Variants in AKNAD1 observed in about 807,000 individuals in gnomAD.
AKNAD1 encodes the protein AKNA domain containing 1.
AKNAD1 carries 67 observed loss-of-function variants against 90.8 expected under a neutral mutation model. That is an observed-to-expected ratio of 0.74 (90% confidence interval 0.61 to 0.90). AKNAD1 has a LOEUF of 0.90. AKNAD1 is among the 40% of genes least tolerant of loss of function. The probability of loss-of-function intolerance (pLI) is 0.00; values close to 1 mark genes in which losing one functional copy is unlikely to be tolerated. For missense variants in AKNAD1, 957 were observed against 975.4 expected (o/e 0.98, Z 0.25); for synonymous variants, 327 against 341.4 (o/e 0.96, Z 0.46).
chr1:108,817,008 C>G (rs1383836326), intron 15 of AKNAD1, 40 bp downstream of exon 15: 2 of 1,608,220 alleles, frequency 1.2e-6, no homozygotes, highest in South Asian at 1.1e-5. Flanking sequence ...ATCAAACTTA[C>G]GAGCTGCAAT....
intron 11 of AKNAD1, 135 bp downstream of exon 11, chr1:108,827,070 T>G: frequency 1.5e-6 from 1 of 685,696 alleles, no homozygotes. Context: ...TGCAAATAAA[T>G]AAATACAACA....
intron 10 of AKNAD1, among the ~76,000 whole-genome samples, chr1:108,828,053 G>T (rs61799960): frequency 0.059 from 8,986 of 151,074 alleles, 467 homozygotes; most frequent in Admixed American, 0.083. Context: ...GGAGTTCAAG[G>T]TCAGCCAGGG....
At chr1:108,849,371 C>T (rs895843709) in intron 3 of AKNAD1, among the ~76,000 whole-genome samples, 166 bp downstream of exon 3, 2 of 151,800 alleles carry the variant, frequency 1.3e-5, no homozygotes, top group African/African-American at 2.4e-5. Flanking sequence ...CCCAGCTACT[C>T]GGGAGGATGA....
At position 108,834,516 on chromosome 1, in the gene AKNAD1, A is replaced by G. The variant is rs749452393; in HGVS notation, c.1677T>C (p.Gly559=). 6.3e-7 allele frequency: 1 copy of G among 1,590,372 alleles called. No individual in the cohort carries two copies. The highest frequency in any genetic ancestry group is 8.5e-7 in the Non-Finnish European group (1 of 1,172,364). ...CELAPQTYLN[G]HYGDAAAQNK... ...TCTGGGCAGCTGCATCTCCATAATG[A>G]CCGTTTAGGTAACTAATTTAAAAAA... The change falls in exon 9 of 16, where the codon GGT becomes GGC. Residue 559 remains glycine, a synonymous_variant. Transcript: ENST00000370001.
chr1:108,837,593 G>A lies in AKNAD1; in HGVS notation c.1493C>T (p.Thr498Ile), dbSNP rs1279233275. 1.9e-6 allele frequency: 3 copies of A among 1,614,082 alleles called. No individual in the cohort carries two copies. The highest frequency in any genetic ancestry group is 1.7e-5 in the Admixed American group (1 of 60,010). Reference sequence around the variant, plus strand: ...GAAGGTGGAGGCCAAGTCATCCAGGGTAACTGGAGAACTCACAGGAAGGGA... The same window carrying A: ...GAAGGTGGAGGCCAAGTCATCCAGGATAACTGGAGAACTCACAGGAAGGGA... ...APSLPVSSPVTLDDLASTFSS... is the reference protein window; with the variant it reads ...APSLPVSSPVILDDLASTFSS... The change falls in exon 7 of 16, where the codon ACC becomes ATC. Residue 498 changes from threonine to isoleucine, a missense_variant. Coordinates refer to ENST00000370001, the MANE Select transcript of AKNAD1 (RefSeq NM_152763.5).
intron 11 of AKNAD1, among the ~76,000 whole-genome samples, chr1:108,824,342 G>A (rs1359152359): frequency 6.6e-6 from 1 of 152,196 alleles, no homozygotes; most frequent in African/African-American, 2.4e-5. Context: ...ACATCTCGCT[G>A]CAGGACAGAT....
chr1:108,834,363 C>T, intron 9 of AKNAD1, 84 bp downstream of exon 9: 1 of 1,178,796 alleles, frequency 8.5e-7, no homozygotes, highest in Non-Finnish European at 1.2e-6. Flanking sequence ...ATGCCAATTT[C>T]ACAGTCACAT....
intron 9 of AKNAD1, among the ~76,000 whole-genome samples, chr1:108,833,542 C>A (rs1449029502): frequency 6.6e-6 from 1 of 151,744 alleles, no homozygotes; most frequent in African/African-American, 2.4e-5. Flanking sequence ...GGGATCGCAC[C>A]ATTGCACTCC....
At chr1:108,816,933 C>T in intron 15 of AKNAD1, 115 bp downstream of exon 15, 1 of 1,285,018 alleles carries the variant, frequency 7.8e-7, no homozygotes, top group Non-Finnish European at 1.1e-6. Context: ...TTGTCTTTAG[C>T]AGAGCATTTT....
rs1329027940 is a variant in AKNAD1, at chr1:108,852,127, T to C, written c.538A>G (p.Asn180Asp). 4 of 1,614,050 alleles carry C rather than the reference T, an allele frequency of 2.5e-6. No homozygotes were observed. The highest frequency in any genetic ancestry group is 2.7e-5 in the African/African-American group (2 of 74,918). Residue 180 changes from asparagine to aspartate, a missense_variant, in exon 2 of 16, where the codon AAC (asparagine) becomes GAC (aspartate). Asn to Asp is a conservative substitution (Grantham distance 23, BLOSUM62 1). Coordinates refer to ENST00000370001, the MANE Select transcript of AKNAD1 (RefSeq NM_152763.5). Reference sequence around the variant, plus strand: ...GTGGCAGAACCAGGCTTATTGCTGTTTTCACCATCCCTTTTCGGGTTGAGT... The same window carrying C: ...GTGGCAGAACCAGGCTTATTGCTGTCTTCACCATCCCTTTTCGGGTTGAGT... ...DQLNPKRDGE[N>D]SNKPGSATTT...
rs751195329 is a variant in AKNAD1 at position 108,852,009 on chromosome 1, T to C, written c.656A>G (p.Lys219Arg). The C allele has an allele frequency of 6.2e-7, 1 of 1,614,124 alleles. No individual in the cohort carries two copies. The highest frequency in any genetic ancestry group is 8.5e-7 in the Non-Finnish European group (1 of 1,180,008). Residue 219 changes from lysine (K) to arginine (R), a missense_variant, in exon 2 of 16, where the codon AAG (lysine) becomes AGG (arginine). Transcript: ENST00000370001. ...QENVNVLTKTKGPGDKQKSYQ... is the reference protein window; with the variant it reads ...QENVNVLTKTRGPGDKQKSYQ... Reference sequence around the variant, plus strand: ...ACTTTTTTGTTTATCACCTGGACCCTTGGTTTTAGTTAGAACATTCACATT... The same window carrying C: ...ACTTTTTTGTTTATCACCTGGACCCCTGGTTTTAGTTAGAACATTCACATT...
At position 108,852,336 on chromosome 1, in the gene AKNAD1, G is replaced by A. The variant is rs373070209; in HGVS notation, c.329C>T (p.Ser110Phe). The A allele has an allele frequency of 2.5e-5, 40 of 1,613,996 alleles. No homozygotes were observed. Among genetic ancestry groups the A allele is most frequent in the Non-Finnish European group, 3.2e-5 (38 of 1,180,022 alleles). Residue 110 changes from serine (S) to phenylalanine (F), a missense_variant, in exon 2 of 16, where the codon TCT (serine) becomes TTT (phenylalanine). Transcript: ENST00000370001. Reference protein sequence around the residue: ...NEGDASKSSISDILLHHLSKE... With the variant: ...NEGDASKSSIFDILLHHLSKE... ...GGAAAGATGATGAAGTAAAATATCAGAAATGCTTGACTTAGAAGCGTCTCC... is the reference window on the plus strand; with the variant it reads ...GGAAAGATGATGAAGTAAAATATCAAAAATGCTTGACTTAGAAGCGTCTCC...
intron 8 of AKNAD1, 24 bp downstream of exon 8, chr1:108,834,905 T>G (rs1664331879): frequency 6.6e-7 from 1 of 1,513,698 alleles, no homozygotes; most frequent in Non-Finnish European, 8.8e-7. Flanking sequence ...CTGTGTCTGC[T>G]GGGGCTCCAG....
intron 13 of AKNAD1, among the ~76,000 whole-genome samples, chr1:108,822,165 T>C (rs977464514): frequency 6.6e-6 from 1 of 152,180 alleles, no homozygotes; most frequent in Non-Finnish European, 1.5e-5. Context: ...CCTGGTCCGG[T>C]TCTAGTCCAG....
At chr1:108,827,168 TG>T in intron 11 of AKNAD1, 36 bp downstream of exon 11, 1 of 1,541,004 alleles carries the variant, frequency 6.5e-7, no homozygotes, top group Non-Finnish European at 8.9e-7. Flanking sequence ...GGAGGGACAC[TG>T]AAAAATGAGC....
At chr1:108,839,483 G>GAAAAAAAAAAAAAAAAAA (rs1664474934) in intron 6 of AKNAD1, among the ~76,000 whole-genome samples, 1 of 118,552 alleles carries the variant, frequency 8.4e-6, no homozygotes, top group African/African-American at 3.0e-5. Context: ...AAAAAAAAAA[G>GAAAAAAAAAAAAAAAAAA]AAAAGGGAAA....
Position 108,851,801 on chromosome 1 carries a change from A to G in AKNAD1, c.864T>C (p.Phe288=). 2 of 1,614,200 alleles carry G rather than the reference A, an allele frequency of 1.2e-6. No homozygotes were observed. The highest frequency in any genetic ancestry group is 1.7e-6 in the Non-Finnish European group (2 of 1,180,032). ...KPLAIAKQAS[F]SSKSRDKPTL... is the part of the protein sequence containing the mutation. ...TGGGTTTATCTCTCGACTTGGAAGA[A>G]AAGCTGGCTTGTTTAGCTATTGCAA... The change falls in exon 2 of 16, where the codon TTT becomes TTC. Residue 288 remains phenylalanine, a synonymous_variant. Transcript: ENST00000370001.
At chr1:108,840,418 G>T (rs370718986) in intron 6 of AKNAD1, among the ~76,000 whole-genome samples, 4 of 152,196 alleles carry the variant, frequency 2.6e-5, no homozygotes, top group African/African-American at 9.6e-5. Flanking sequence ...AACGTGATGG[G>T]AATACTTACT....
In AKNAD1 at chr1:108,834,499, G is replaced by T; in HGVS notation, c.1694C>A (p.Ala565Asp). The change falls in exon 9 of 16, where the codon GCT becomes GAT. Residue 565 changes from alanine (A) to aspartate (D), a missense_variant. Transcript: ENST00000370001. ...CACTTGGTCTGGCTTGTTCTGGGCA[G>T]CTGCATCTCCATAATGACCGTTTAG... ...TYLNGHYGDA[A>D]AQNKPDQVAM... is the part of the protein sequence containing the mutation. 6.2e-7 allele frequency: 1 copy of T among 1,609,706 alleles called. No individual in the cohort carries two copies.
Sources: allele counts gnomAD v4.1 joint callset (sites outside exome capture counted in the v4.1 genomes callset), GRCh38; gene constraint gnomAD v4.1.1; transcripts MANE v1.5; gene names NCBI Gene and HGNC (gene_info 2026-07-23, HGNC 2026-07-21).